KCNH1: variants seen among roughly 807,000 people sequenced by gnomAD.
The protein encoded by KCNH1 is potassium voltage-gated channel subfamily H member 1, also known as voltage-gated delayed rectifier potassium channel KCNH1.
KCNH1 carries 27 observed loss-of-function variants against 69.2 expected under a neutral mutation model. The observed-to-expected ratio is 0.39, with a 90% CI of 0.29 to 0.54. The LOEUF (loss-of-function observed/expected upper bound fraction) is 0.54. Ranked by LOEUF, KCNH1 falls within the 20% of genes least tolerant of loss-of-function variation. The pLI is 0.68. For missense variants in KCNH1, 798 were observed against 1,261.6 expected, an observed-to-expected ratio of 0.63 and a Z score of 5.57; for synonymous variants, 456 against 487.7, an observed-to-expected ratio of 0.93 and a Z score of 0.86.
Position 210,798,891 on chromosome 1 carries a change from G to T in KCNH1, c.1663-1131C>A, listed in dbSNP as rs1204504608. Among the ~76,000 whole-genome samples the T allele has an allele frequency of 2.0e-5, 3 of 152,236 alleles. No individual in the cohort carries two copies. The South Asian group carries it at 6.2e-4, about 32-fold the overall frequency. On this transcript the variant is annotated intron_variant, in intron 8 of 10. Transcript: ENST00000271751. ...TTACTAAGCACTTGCTGAGTGGCAGGCATTGCTAAACACTTTAGAATCATT... is the reference window on the plus strand; with the variant it reads ...TTACTAAGCACTTGCTGAGTGGCAGTCATTGCTAAACACTTTAGAATCATT...
intron 7 of KCNH1, among the ~76,000 whole-genome samples, chr1:210,891,084 C>A (rs997811871): frequency 6.6e-6 from 1 of 152,090 alleles, no homozygotes; most frequent in African/African-American, 2.4e-5. Context: ...TAAAGTCACA[C>A]GCACACGTAT....
At chr1:210,962,789 A>T (rs993284312) in intron 6 of KCNH1, among the ~76,000 whole-genome samples, 1 of 151,360 alleles carries the variant, frequency 6.6e-6, no homozygotes, top group African/African-American at 2.4e-5. Context: ...TAAGATTGCT[A>T]GATTTTATAC....
intron 4 of KCNH1, among the ~76,000 whole-genome samples, chr1:211,084,311 C>T (rs1476771029): frequency 2.0e-5 from 3 of 152,250 alleles, no homozygotes; most frequent in Middle Eastern, 3.4e-3. Context: ...AAAAGCTTTT[C>T]GAGAAGAGCA....
At chr1:210,984,795 T>A (rs1213403497) in intron 6 of KCNH1, among the ~76,000 whole-genome samples, 1 of 152,252 alleles carries the variant, frequency 6.6e-6, no homozygotes, top group Non-Finnish European at 1.5e-5. Flanking sequence ...GATTCTGGTC[T>A]CATAAAATGA....
intron 10 of KCNH1, among the ~76,000 whole-genome samples, chr1:210,741,467 TGAG>T (rs963785975): frequency 3.3e-5 from 5 of 151,906 alleles, no homozygotes; most frequent in African/African-American, 1.2e-4. Context: ...GAGAAAGGAA[TGAG>T]GACAGGAAAA....
intron 7 of KCNH1, among the ~76,000 whole-genome samples, chr1:210,820,517 T>C (rs1277609505): frequency 6.6e-6 from 1 of 152,014 alleles, no homozygotes; most frequent in African/African-American, 2.4e-5. Flanking sequence ...ACCTGTAGTC[T>C]CAGCTTCTCA....
intron 7 of KCNH1, among the ~76,000 whole-genome samples, chr1:210,901,292 C>T (rs1686990578): frequency 6.6e-6 from 1 of 152,170 alleles, no homozygotes; most frequent in South Asian, 2.1e-4. Flanking sequence ...GTTGGTCCCA[C>T]CTCCAAAATC....
chr1:211,115,651 G>A (rs1256199780), intron 1 of KCNH1, among the ~76,000 whole-genome samples: 2 of 146,350 alleles, frequency 1.4e-5, no homozygotes, highest in African/African-American at 2.5e-5. Context: ...CTTGCAGACA[G>A]GCTATTGTGG....
rs897848125 is a variant in KCNH1 at position 210,966,510 on chromosome 1, T to A, written c.1033-46441A>T. ...TCTGACAAAGGGCTAATATGCAGAA[T>A]CTACAAAGAACTTATTTACAAGAAA... On this transcript the variant is annotated intron_variant, in intron 6 of 10. Coordinates refer to ENST00000271751, the MANE Select transcript of KCNH1 (RefSeq NM_172362.3). Among the ~76,000 whole-genome samples, 20 of 152,086 alleles carry A rather than the reference T, an allele frequency of 1.3e-4. 1 individual carries two copies. Among genetic ancestry groups the A allele is most frequent in the Admixed American group, 1.2e-3 (19 of 15,264 alleles).
At position 210,789,603 on chromosome 1, in the gene KCNH1, C is replaced by T. The variant is rs899567027; in HGVS notation, c.1915+7905G>A. ...AAATAATGTTGACTCTCTCAATACC[C>T]CTTTGAAAATTAAAACAACATTTTT... On this transcript the variant is annotated intron_variant, in intron 9 of 10. Coordinates refer to ENST00000271751, the MANE Select transcript of KCNH1 (RefSeq NM_172362.3). 2.0e-5 allele frequency among the ~76,000 whole-genome samples: 3 copies of T among 152,236 alleles called. No homozygotes were observed. The East Asian group carries it at 5.8e-4, about 29-fold the overall frequency.
chr1:210,819,165 G>C (rs1308630572), intron 7 of KCNH1, among the ~76,000 whole-genome samples: 1 of 152,292 alleles, frequency 6.6e-6, no homozygotes, highest in East Asian at 1.9e-4. Context: ...ATAGGAGGAA[G>C]AGTTAATTGA....
rs201501883 is a variant in KCNH1, at chr1:210,875,802, C to CA, written c.1462+43837dup. On this transcript the variant is annotated intron_variant, in intron 7 of 10. Coordinates refer to ENST00000271751, the MANE Select transcript of KCNH1 (RefSeq NM_172362.3). ...TGGGCTACAGAGCAAGACACTTTCTCAAAAAAAAAAAAAAATAAATCAATA... is the reference window on the plus strand; with the variant it reads ...TGGGCTACAGAGCAAGACACTTTCTCAAAAAAAAAAAAAAAATAAATCAATA... Among the ~76,000 whole-genome samples the CA allele has an allele frequency of 9.2e-3, 1,126 of 122,282 alleles. 5 individuals are homozygous for CA. Among genetic ancestry groups the CA allele is most frequent in the African/African-American group, 0.012 (413 of 35,048 alleles). 80.2% of individuals were successfully genotyped at this position (122,282 alleles called of 152,430 possible). A position where few individuals can be genotyped will look rare whatever the true frequency, so the allele number is the denominator to read the frequency against.
intron 10 of KCNH1, among the ~76,000 whole-genome samples, chr1:210,698,110 T>C (rs941832263): frequency 2.0e-5 from 3 of 152,188 alleles, no homozygotes; most frequent in African/African-American, 7.2e-5. Context: ...AGGAGTAACC[T>C]TAAGTATTTC....
At chr1:210,840,963 C>A (rs1239079248) in intron 7 of KCNH1, among the ~76,000 whole-genome samples, 2 of 152,114 alleles carry the variant, frequency 1.3e-5, no homozygotes, top group East Asian at 3.9e-4. Context: ...TTTCTCCTCA[C>A]AGACAGACAC....
Position 210,708,603 on chromosome 1 carries a change from G to C in KCNH1, c.2113-24465C>G, listed in dbSNP as rs187853140. ...TTTACTCTTGCAGGGTTACTGGACT[G>C]ACCCACCAAAGGGTAAGGATTACCT... On this transcript the variant is annotated intron_variant, in intron 10 of 10. Transcript: ENST00000271751. Among the ~76,000 whole-genome samples the C allele has an allele frequency of 2.0e-5, 3 of 152,200 alleles. No homozygotes were observed. The East Asian group carries it at 5.8e-4, about 30-fold the overall frequency.
chr1:210,983,633 C>G (rs1376335874), intron 6 of KCNH1, among the ~76,000 whole-genome samples: 1 of 152,162 alleles, frequency 6.6e-6, no homozygotes, highest in Non-Finnish European at 1.5e-5. Flanking sequence ...CAGTCTATAT[C>G]TCTGTTTTGG....
chr1:210,951,910 T>C (rs922754545), intron 6 of KCNH1, among the ~76,000 whole-genome samples: 1 of 152,108 alleles, frequency 6.6e-6, no homozygotes, highest in Non-Finnish European at 1.5e-5. Flanking sequence ...GCAAAAGCCT[T>C]TCTTCTTTGA....
intron 6 of KCNH1, among the ~76,000 whole-genome samples, chr1:210,962,894 T>G (rs1688319575): frequency 6.7e-6 from 1 of 150,100 alleles, no homozygotes; most frequent in Non-Finnish European, 1.5e-5. Flanking sequence ...GTCTTATTTG[T>G]GTTTCTCTGG....
At chr1:210,702,023 T>C (rs908505145) in intron 10 of KCNH1, among the ~76,000 whole-genome samples, 1 of 152,222 alleles carries the variant, frequency 6.6e-6, no homozygotes, top group South Asian at 2.1e-4. Context: ...ATGGAACTCT[T>C]GGCTGAAATT....
Sources: allele counts gnomAD v4.1 joint callset (sites outside exome capture counted in the v4.1 genomes callset), GRCh38; gene constraint gnomAD v4.1.1; transcripts MANE v1.5; gene names NCBI Gene and HGNC (gene_info 2026-07-23, HGNC 2026-07-21).